SNTG1: variants seen among roughly 807,000 people sequenced by gnomAD.
The protein encoded by SNTG1 is gamma-1-syntrophin.
In SNTG1, 39 loss-of-function variants were observed where a neutral mutation model predicts 74.7. That is an observed-to-expected ratio of 0.52 (90% CI 0.40 to 0.68). The LOEUF (loss-of-function observed/expected upper bound fraction) is 0.68, where lower values mean the gene tolerates loss of function less well. Ranked by LOEUF, SNTG1 falls within the 30% of genes least tolerant of loss-of-function variation. The probability of loss-of-function intolerance (pLI) is 0.00; values close to 1 mark genes in which losing one functional copy is unlikely to be tolerated. For missense variants in SNTG1, 685 were observed against 609.5 expected (o/e 1.12, Z -1.30); for synonymous variants, 254 against 217.1 (o/e 1.17, Z -1.49).
chr8:50,732,822 CT>C (rs1398530945), intron 17 of SNTG1, among the ~76,000 whole-genome samples: 29 of 151,926 alleles, frequency 1.9e-4, no homozygotes, highest in African/African-American at 6.3e-4. Flanking sequence ...TTAATGCAGT[CT>C]TCTTGATTTC....
intron 2 of SNTG1, among the ~76,000 whole-genome samples, chr8:50,311,329 A>G (rs1404887884): frequency 1.3e-5 from 2 of 152,164 alleles, no homozygotes; most frequent in East Asian, 1.9e-4. Flanking sequence ...AGGAAAGGTT[A>G]TGTTCCGTTG....
chr8:50,516,609 T>A (rs1430881961), intron 9 of SNTG1, among the ~76,000 whole-genome samples: 1 of 152,142 alleles, frequency 6.6e-6, no homozygotes, highest in Non-Finnish European at 1.5e-5. Context: ...AATGACCTGA[T>A]GGAGCTGAAA....
chr8:50,386,230 T>C (rs970613671), intron 2 of SNTG1, among the ~76,000 whole-genome samples: 2 of 152,078 alleles, frequency 1.3e-5, no homozygotes, highest in African/African-American at 2.4e-5. Flanking sequence ...TACCCTGAGA[T>C]GGACTTGAGC....
rs200364124 is a variant in SNTG1, at chr8:50,006,410, AATT to A, written c.-103+94183_-103+94185del. Among the ~76,000 whole-genome samples the A allele has an allele frequency of 1.4e-4, 21 of 152,132 alleles. No individual in the cohort carries two copies. The East Asian group carries it at 3.7e-3, about 27-fold the overall frequency. On this transcript the variant is annotated intron_variant, in intron 1 of 18. Coordinates refer to ENST00000642720, the MANE Select transcript of SNTG1 (RefSeq NM_018967.5). ...GATAATTGTAATTTGTGATTTGTTT[AATT>A]ATTGGTGTTCTGTGATTGTCTTTTA...
chr8:50,752,353 T>G (rs2095569693), intron 18 of SNTG1, among the ~76,000 whole-genome samples: 1 of 152,050 alleles, frequency 6.6e-6, no homozygotes, highest in Admixed American at 6.6e-5. Context: ...TAATTCCTTA[T>G]GAACTGCATT....
chr8:50,189,148 A>G (rs910854051), intron 2 of SNTG1, among the ~76,000 whole-genome samples: 1 of 152,196 alleles, frequency 6.6e-6, no homozygotes, highest in Non-Finnish European at 1.5e-5. Context: ...TATTTTGACA[A>G]TCTCCAGGCC....
At chr8:50,198,127 A>G (rs1226634976) in intron 2 of SNTG1, among the ~76,000 whole-genome samples, 1 of 152,082 alleles carries the variant, frequency 6.6e-6, no homozygotes, top group Non-Finnish European at 1.5e-5. Context: ...CCCAGAGCGC[A>G]GGTGAAGTCT....
At chr8:50,049,441 T>G (rs980372719) in intron 1 of SNTG1, among the ~76,000 whole-genome samples, 4 of 152,144 alleles carry the variant, frequency 2.6e-5, no homozygotes, top group Admixed American at 2.6e-4. Context: ...TCATCAGAAG[T>G]CATAATAGTC....
intron 1 of SNTG1, among the ~76,000 whole-genome samples, chr8:49,966,162 T>TA (rs1811117069): frequency 6.6e-6 from 1 of 152,164 alleles, no homozygotes; most frequent in African/African-American, 2.4e-5. Flanking sequence ...GAGAAAAAAA[T>TA]AGAGTTTGGA....
At chr8:50,322,412 C>G (rs777749884) in intron 2 of SNTG1, among the ~76,000 whole-genome samples, 2 of 152,110 alleles carry the variant, frequency 1.3e-5, no homozygotes, top group Non-Finnish European at 2.9e-5. Flanking sequence ...TATATTGGAG[C>G]TCCATTGTAT....
intron 2 of SNTG1, among the ~76,000 whole-genome samples, chr8:50,352,397 CT>C (rs34505907): frequency 0.063 from 9,225 of 145,946 alleles, 602 homozygotes; most frequent in South Asian, 0.17. Flanking sequence ...CGTTCTTTCT[CT>C]TTTTTTTTTT....
chr8:50,330,391 T>C (rs2090915845), intron 2 of SNTG1, among the ~76,000 whole-genome samples: 1 of 152,150 alleles, frequency 6.6e-6, no homozygotes, highest in African/African-American at 2.4e-5. Context: ...TTTGTCTTTA[T>C]TTGCAGCATG....
chr8:49,957,972 T>C (rs930240735), intron 1 of SNTG1, among the ~76,000 whole-genome samples: 1 of 152,200 alleles, frequency 6.6e-6, no homozygotes. Context: ...TCAAATGACA[T>C]AGGACTTGTG....
intron 2 of SNTG1, among the ~76,000 whole-genome samples, chr8:50,195,705 CTT>C (rs2083742214): frequency 3.3e-5 from 5 of 152,170 alleles, no homozygotes; most frequent in African/African-American, 1.2e-4. Flanking sequence ...GCAAACAGAC[CTT>C]CAGCTTTTCC....
At chr8:50,245,461 T>C (rs2086354732) in intron 2 of SNTG1, among the ~76,000 whole-genome samples, 1 of 152,070 alleles carries the variant, frequency 6.6e-6, no homozygotes, top group Non-Finnish European at 1.5e-5. Context: ...GGCGTGCGGA[T>C]CACCTGAGAT....
At chr8:50,235,921 A>T (rs1039341071) in intron 2 of SNTG1, among the ~76,000 whole-genome samples, 6 of 152,218 alleles carry the variant, frequency 3.9e-5, no homozygotes. Context: ...TTTAAATTTA[A>T]AGTAGATAAT....
intron 4 of SNTG1, among the ~76,000 whole-genome samples, chr8:50,417,088 A>T (rs2093023913): frequency 6.6e-6 from 1 of 152,206 alleles, no homozygotes; most frequent in Non-Finnish European, 1.5e-5. Flanking sequence ...AAAATTTGGT[A>T]AAACAATTGT....
chr8:50,056,800 C>A (rs1051128743), intron 1 of SNTG1, among the ~76,000 whole-genome samples: 1 of 152,138 alleles, frequency 6.6e-6, no homozygotes, highest in Non-Finnish European at 1.5e-5. Context: ...GAATAGGCCC[C>A]ATGGAGGCAA....
At chr8:50,298,729 T>A (rs1346011701) in intron 2 of SNTG1, among the ~76,000 whole-genome samples, 2 of 152,162 alleles carry the variant, frequency 1.3e-5, no homozygotes, top group Non-Finnish European at 1.5e-5. Flanking sequence ...TACTCCTTAT[T>A]GTATGTGAAG....
Sources: gnomAD v4.1 joint callset for allele counts (sites outside exome capture counted in the v4.1 genomes callset) on GRCh38, gnomAD v4.1.1 for gene constraint, MANE v1.5 for transcripts, NCBI Gene and HGNC (gene_info 2026-07-23, HGNC 2026-07-21) for gene names.